The following USP15 variants were observed in gnomAD, a reference collection of about 807,000 sequenced individuals.
USP15 encodes the protein ubiquitin carboxyl-terminal hydrolase 15.
In USP15, 18 loss-of-function variants were observed where a neutral mutation model predicts 127.1. The observed-to-expected ratio is 0.14, with a 90% CI of 0.10 to 0.21. The LOEUF (loss-of-function observed/expected upper bound fraction) is 0.21, where lower values mean the gene tolerates loss of function less well. Among genes scored for constraint, USP15 ranks in the 10% least tolerant of loss-of-function variants. The probability of loss-of-function intolerance (pLI) is 1.00; values close to 1 mark genes in which losing one functional copy is unlikely to be tolerated. For missense variants in USP15, 805 were observed against 1,159.9 expected, an observed-to-expected ratio of 0.69 and a Z score of 4.44; for synonymous variants, 364 against 393.7, an observed-to-expected ratio of 0.92 and a Z score of 0.89.
At chr12:62,277,060 A>G (rs1432233440) in intron 1 of USP15, among the ~76,000 whole-genome samples, 1 of 152,098 alleles carries the variant, frequency 6.6e-6, no homozygotes, top group Non-Finnish European at 1.5e-5. Context: ...GTGTGCATAT[A>G]TGTGAAGATG....
At position 62,413,928 on chromosome 12, in the gene USP15, AG is replaced by A. The variant is rs2068094786; in HGVS notation, c.*9554del. On this transcript the variant is annotated 3_prime_UTR_variant, in exon 22 of 22. Transcript: ENST00000280377. The stretch of plus-strand genomic sequence containing the variant: ...TAGCATTTGATTGAGAGAGAGAGAG[AG>A]ATGTACAGCTCTTCACCTGAACATT... 1 of 152,162 alleles carries A rather than the reference AG, an allele frequency of 6.6e-6. No homozygotes were observed. The highest frequency in any genetic ancestry group is 2.1e-4 in the South Asian group (1 of 4,830). The allele number at this position is 152,162 out of a possible 1,614,324, so 9.4% of individuals were successfully genotyped here. A position where few individuals can be genotyped will look rare whatever the true frequency, so the allele number is the denominator to read the frequency against.
At chr12:62,380,077 G>C (rs1401260170) in intron 8 of USP15, among the ~76,000 whole-genome samples, 2 of 151,880 alleles carry the variant, frequency 1.3e-5, no homozygotes, top group African/African-American at 4.8e-5. Flanking sequence ...GACTCTAAAG[G>C]CCTATATAGC....
chr12:62,333,762 G>C (rs182412521), intron 6 of USP15, among the ~76,000 whole-genome samples: 1 of 152,254 alleles, frequency 6.6e-6, no homozygotes, highest in East Asian at 1.9e-4. Context: ...GGGAACTGCA[G>C]TATGGAGTAC....
At chr12:62,371,692 C>T (rs2066674705) in intron 8 of USP15, among the ~76,000 whole-genome samples, 3 of 152,082 alleles carry the variant, frequency 2.0e-5, no homozygotes, top group African/African-American at 7.2e-5. Context: ...GTAATTATTG[C>T]ACTTTCACAC....
At chr12:62,304,713 T>C in intron 3 of USP15, 1 of 453,466 alleles carries the variant, frequency 2.2e-6, no homozygotes, top group South Asian at 1.6e-5. Context: ...AGCAAGGATA[T>C]AAGCAGAAAA....
chr12:62,336,416 G>C, intron 6 of USP15: 2 of 985,308 alleles, frequency 2.0e-6, no homozygotes, highest in Non-Finnish European at 2.4e-6. Context: ...TCCTCCTCCA[G>C]CCTTTCTTCT....
In USP15 at chr12:62,389,666, TTAG is replaced by T; in HGVS notation, c.1625_1627del (p.Ser542del). 6.2e-7 allele frequency: 1 copy of T among 1,613,410 alleles called. No individual in the cohort carries two copies. The highest frequency in any genetic ancestry group is 1.1e-5 in the South Asian group (1 of 91,038). On this transcript the variant is annotated inframe_deletion, in exon 13 of 22. Coordinates refer to ENST00000280377, the MANE Select transcript of USP15 (RefSeq NM_001252078.2). The stretch of plus-strand genomic sequence containing the variant: ...AGAATATTCGCTATGGATGAAAACC[TTAG>T]TAGTATTATGGAACGGGATGATATT...
chr12:62,354,958 A>G (rs1356244382), intron 7 of USP15: 1 of 155,072 alleles, frequency 6.4e-6, no homozygotes, highest in Non-Finnish European at 1.4e-5. Context: ...ACAGAATGCA[A>G]AGGGTCATAA....
intron 2 of USP15, among the ~76,000 whole-genome samples, chr12:62,299,967 AC>A: frequency 6.6e-6 from 1 of 152,262 alleles, no homozygotes; most frequent in East Asian, 1.9e-4. Flanking sequence ...TTAGTGAAAT[AC>A]ATTCAGATCC....
At chr12:62,337,278 C>A (rs2065496774) in intron 6 of USP15, among the ~76,000 whole-genome samples, 1 of 151,980 alleles carries the variant, frequency 6.6e-6, no homozygotes, top group Non-Finnish European at 1.5e-5. Flanking sequence ...TGTATTAGTC[C>A]ATTTTCATGC....
chr12:62,295,051 G>A (rs1049775010), intron 2 of USP15, among the ~76,000 whole-genome samples: 1 of 152,156 alleles, frequency 6.6e-6, no homozygotes, highest in African/African-American at 2.4e-5. Context: ...AGGAAACAGA[G>A]TTTGCAGTCT....
intron 6 of USP15, among the ~76,000 whole-genome samples, chr12:62,330,353 C>T (rs548418656): frequency 3.2e-4 from 49 of 150,976 alleles, no homozygotes; most frequent in Non-Finnish European, 5.2e-4. Flanking sequence ...CTTTGGGAGG[C>T]CGAGGCAGGC....
intron 6 of USP15, among the ~76,000 whole-genome samples, chr12:62,339,805 T>A (rs1374842645): frequency 6.6e-6 from 1 of 152,218 alleles, no homozygotes; most frequent in Admixed American, 6.5e-5. Flanking sequence ...TATTAAGGAT[T>A]TTTGCATCAA....
Position 62,406,827 on chromosome 12 carries a change from G to A in USP15, c.*2452G>A, listed in dbSNP as rs952296202. 3 of 151,610 alleles carry A rather than the reference G, an allele frequency of 2.0e-5. No homozygotes were observed. Among genetic ancestry groups the A allele is most frequent in the Non-Finnish European group, 2.9e-5 (2 of 67,928 alleles). The allele number at this position is 151,610 out of a possible 1,614,324, so 9.4% of individuals were successfully genotyped here. ...ATATGTATTTTTTTTTAATTAGCTG[G>A]GTGTGCACACACCTGTGTTCCCAGC... On this transcript the variant is annotated 3_prime_UTR_variant, in exon 22 of 22. Transcript: ENST00000280377.
chr12:62,352,947 G>A (rs2066004948), intron 7 of USP15, among the ~76,000 whole-genome samples: 2 of 151,844 alleles, frequency 1.3e-5, no homozygotes, highest in Non-Finnish European at 2.9e-5. Flanking sequence ...TTGCAAAGTA[G>A]CATAGCCTTA....
intron 21 of USP15, among the ~76,000 whole-genome samples, chr12:62,403,559 G>A (rs935850457): frequency 3.3e-5 from 5 of 152,068 alleles, no homozygotes; most frequent in Non-Finnish European, 7.4e-5. Flanking sequence ...ACTTTGAGTT[G>A]AGAAGTGTGC....
At chr12:62,287,689 A>G (rs1319904119) in intron 1 of USP15, among the ~76,000 whole-genome samples, 1 of 152,004 alleles carries the variant, frequency 6.6e-6, no homozygotes, top group Non-Finnish European at 1.5e-5. Context: ...TAGGACTTTT[A>G]TAAAAGTTTC....
At chr12:62,376,859 A>G (rs922846464) in intron 8 of USP15, among the ~76,000 whole-genome samples, 3 of 152,134 alleles carry the variant, frequency 2.0e-5, no homozygotes, top group African/African-American at 7.2e-5. Context: ...ATAAAAGGGA[A>G]GTTTTCTACT....
intron 1 of USP15, among the ~76,000 whole-genome samples, chr12:62,262,466 A>G (rs56117810): frequency 0.11 from 16,309 of 152,196 alleles, 938 homozygotes; most frequent in Middle Eastern, 0.17. Flanking sequence ...CTGTAAGTCT[A>G]TAAGTTAAAA....
Sources: allele counts gnomAD v4.1 joint callset (sites outside exome capture counted in the v4.1 genomes callset), GRCh38; gene constraint gnomAD v4.1.1; transcripts MANE v1.5; gene names NCBI Gene and HGNC (gene_info 2026-07-23, HGNC 2026-07-21).